The following UBE3D variants were observed in gnomAD, a reference collection of about 807,000 sequenced individuals.
UBE3D encodes E3 ubiquitin-protein ligase E3D.
In UBE3D, 48 loss-of-function variants were observed where a neutral mutation model predicts 49.6. That is an observed-to-expected ratio of 0.97 (90% CI 0.77 to 1.23). UBE3D has a LOEUF of 1.23. UBE3D is among the 50% of genes most tolerant of loss of function. The pLI is 0.00. For synonymous variants in UBE3D, 189 were observed against 174.2 expected (o/e 1.08, Z -0.67); for missense variants, 452 against 468.4 (o/e 0.96, Z 0.32).
intron 7 of UBE3D, 98 bp from the exon 8 acceptor site, chr6:83,019,234 G>A (rs73749502): frequency 0.024 from 26,457 of 1,094,994 alleles, 535 homozygotes; most frequent in African/African-American, 0.097. Flanking sequence ...GAAAATACCA[G>A]AAAAAATAAA....
chr6:82,956,535 G>A (rs1375545678), intron 9 of UBE3D, among the ~76,000 whole-genome samples: 1 of 152,158 alleles, frequency 6.6e-6, no homozygotes, highest in Non-Finnish European at 1.5e-5. Flanking sequence ...GAGAGAGAGG[G>A]AAATGGCTCA....
chr6:83,059,340 C>T (rs1424090614), intron 1 of UBE3D, among the ~76,000 whole-genome samples: 3 of 152,148 alleles, frequency 2.0e-5, no homozygotes, highest in Non-Finnish European at 2.9e-5. Context: ...GCCATGATCA[C>T]GCCAATGCAT....
intron 9 of UBE3D, chr6:82,924,865 T>C (rs1562088646): frequency 1.3e-5 from 2 of 152,196 alleles, no homozygotes; most frequent in Non-Finnish European, 2.9e-5. Context: ...AGAATCTTTG[T>C]TGGCTTTCTG....
At chr6:82,933,712 C>G (rs751291477) in intron 9 of UBE3D, among the ~76,000 whole-genome samples, 17 of 152,242 alleles carry the variant, frequency 1.1e-4, no homozygotes, top group South Asian at 8.3e-4. Context: ...GAAATGAAAA[C>G]AAAGGTTAAA....
chr6:83,000,763 C>T (rs1779569734), intron 8 of UBE3D, among the ~76,000 whole-genome samples: 2 of 152,270 alleles, frequency 1.3e-5, no homozygotes, highest in South Asian at 4.1e-4. Context: ...CTTGTACTCA[C>T]TGTACTGCCT....
At chr6:83,034,447 G>A (rs763425919) in intron 5 of UBE3D, among the ~76,000 whole-genome samples, 2 of 151,780 alleles carry the variant, frequency 1.3e-5, no homozygotes, top group Non-Finnish European at 2.9e-5. Flanking sequence ...GGTTTGTCTC[G>A]AGATTAGCTG....
chr6:82,949,834 C>T (rs945699443), intron 9 of UBE3D, among the ~76,000 whole-genome samples: 6 of 152,066 alleles, frequency 3.9e-5, no homozygotes, highest in African/African-American at 7.2e-5. Flanking sequence ...AAACTAGACC[C>T]GTATCTCTAA....
At chr6:82,896,886 C>T (rs1771360951) in intron 9 of UBE3D, among the ~76,000 whole-genome samples, 1 of 151,996 alleles carries the variant, frequency 6.6e-6, no homozygotes, top group African/African-American at 2.4e-5. Context: ...GGATTACAGG[C>T]GCATGCCACC....
chr6:83,065,681 T>C lies in UBE3D; in HGVS notation c.38A>G (p.Glu13Gly). 6.2e-7 allele frequency: 1 copy of C among 1,613,430 alleles called. No homozygotes were observed. The highest frequency in any genetic ancestry group is 8.5e-7 in the Non-Finnish European group (1 of 1,179,738). Residue 13 changes from glutamate to glycine, a missense_variant, in exon 1 of 10, where the codon GAG (glutamate) becomes GGG (glycine). Coordinates refer to ENST00000369747, the MANE Select transcript of UBE3D (RefSeq NM_198920.3). Reference protein sequence around the residue: ...ASAAETRVFLEVRGQLQSALL... With the variant: ...ASAAETRVFLGVRGQLQSALL... ...CGCGCTCTGCAGCTGTCCCCGCACC[T>C]CCAGAAACACGCGCGTCTCCGCCGC... is the stretch of plus-strand genomic sequence containing the variant.
intron 9 of UBE3D, among the ~76,000 whole-genome samples, chr6:82,945,525 A>T (rs978647806): frequency 6.6e-6 from 1 of 152,200 alleles, no homozygotes; most frequent in East Asian, 1.9e-4. Context: ...AGCCTTCCCA[A>T]GAAGGACAGG....
chr6:83,030,501 A>G (rs1781790912), intron 5 of UBE3D, among the ~76,000 whole-genome samples: 1 of 152,176 alleles, frequency 6.6e-6, no homozygotes, highest in South Asian at 2.1e-4. Flanking sequence ...CTCCTCAGCC[A>G]TGTGGAACTG....
downstream of UBE3D, among the ~76,000 whole-genome samples, chr6:82,889,471 G>C (rs531729015): frequency 4.6e-5 from 7 of 152,254 alleles, no homozygotes; most frequent in African/African-American, 1.7e-4. Flanking sequence ...TCCTTGTTTA[G>C]TCAAGCTACT....
intron 9 of UBE3D, among the ~76,000 whole-genome samples, chr6:82,954,481 G>A (rs1776022024): frequency 2.0e-5 from 3 of 152,114 alleles, no homozygotes; most frequent in Non-Finnish European, 2.9e-5. Context: ...AGATTCAGCA[G>A]TGATAACAGC....
chr6:82,996,654 G>T (rs762797932), intron 8 of UBE3D, among the ~76,000 whole-genome samples: 1 of 152,088 alleles, frequency 6.6e-6, no homozygotes, highest in East Asian at 1.9e-4. Context: ...TAACATTGCC[G>T]GTGATGGAAG....
At chr6:82,882,084 A>G in the UBE3D span, among the ~76,000 whole-genome samples, 1 of 152,240 alleles carries the variant, frequency 6.6e-6, no homozygotes, top group African/African-American at 2.4e-5. Context: ...CTTACTCTGT[A>G]CACAAGATCC....
chr6:82,994,156 AG>A (rs1375753400), intron 8 of UBE3D, among the ~76,000 whole-genome samples: 1 of 152,232 alleles, frequency 6.6e-6, no homozygotes, highest in Non-Finnish European at 1.5e-5. Context: ...ATAATTTATT[AG>A]CCATGGACAA....
the UBE3D span, among the ~76,000 whole-genome samples, chr6:82,884,267 A>T: frequency 6.6e-6 from 1 of 152,102 alleles, no homozygotes; most frequent in South Asian, 2.1e-4. Context: ...AGTTTCCAAG[A>T]CTGTTTCACT....
intron 9 of UBE3D, among the ~76,000 whole-genome samples, chr6:82,907,077 T>C (rs1022548735): frequency 6.6e-6 from 1 of 151,976 alleles, no homozygotes; most frequent in Non-Finnish European, 1.5e-5. Context: ...AAAAGAAAAA[T>C]GGAGGGAGGA....
intron 1 of UBE3D, among the ~76,000 whole-genome samples, chr6:83,063,412 TAAAAAAAAAAAA>T (rs201669450): frequency 2.0e-4 from 9 of 45,496 alleles, no homozygotes; most frequent in South Asian, 1.5e-3. Context: ...AGACGCTGTC[TAAAAAAAAAAAA>T]AAAAAAAAAA....
Sources: gnomAD v4.1 joint callset for allele counts (sites outside exome capture counted in the v4.1 genomes callset) on GRCh38, gnomAD v4.1.1 for gene constraint, MANE v1.5 for transcripts, NCBI Gene and HGNC (gene_info 2026-07-23, HGNC 2026-07-21) for gene names.